AAAS: variants seen among roughly 807,000 people sequenced by gnomAD.
AAAS encodes aladin.
AAAS carries 60 observed loss-of-function variants against 75.6 expected under a neutral mutation model. The observed-to-expected ratio is 0.79, with a 90% CI of 0.64 to 0.98. The LOEUF (loss-of-function observed/expected upper bound fraction) is 0.98. Among genes scored for constraint, AAAS ranks in the 50% least tolerant of loss-of-function variants. AAAS has a pLI of 0.00. For missense variants in AAAS, 658 were observed against 686.9 expected (o/e 0.96, Z 0.47); for synonymous variants, 271 against 265.0 (o/e 1.02, Z -0.22).
intron 5 of AAAS, 91 bp downstream of exon 5, chr12:53,315,003 G>A: frequency 1.3e-6 from 2 of 1,521,374 alleles, no homozygotes; most frequent in Non-Finnish European, 1.8e-6. Flanking sequence ...TGAGCAATCA[G>A]AAAAGGAGTA....
intron 7 of AAAS, among the ~76,000 whole-genome samples, chr12:53,312,729 A>G (rs1483614469): frequency 6.6e-6 from 1 of 150,868 alleles, no homozygotes; most frequent in East Asian, 1.9e-4. Context: ...AATTAGGCTA[A>G]CCAAGAGGTT....
At chr12:53,320,733 C>A (rs374406641) in intron 1 of AAAS, 41 bp from the exon 2 acceptor site, 1 of 1,608,964 alleles carries the variant, frequency 6.2e-7, no homozygotes, top group African/African-American at 1.3e-5. Flanking sequence ...GATTCAGTCT[C>A]TTCCCAAATC....
At chr12:53,311,123 T>C (rs1001856538) in intron 7 of AAAS, among the ~76,000 whole-genome samples, 1 of 152,038 alleles carries the variant, frequency 6.6e-6, no homozygotes, top group Non-Finnish European at 1.5e-5. Flanking sequence ...TTTATTTTTA[T>C]TTTTTGTATA....
intron 7 of AAAS, among the ~76,000 whole-genome samples, chr12:53,310,202 C>T (rs547908568): frequency 1.3e-3 from 193 of 152,326 alleles, no homozygotes; most frequent in African/African-American, 4.4e-3. Context: ...CCCAAACAGC[C>T]CTCCTGCCTT....
chr12:53,316,926 T>C (rs553235367), intron 2 of AAAS, among the ~76,000 whole-genome samples: 47 of 146,840 alleles, frequency 3.2e-4, no homozygotes, highest in Non-Finnish European at 6.1e-4. Context: ...CAAAAAAAAA[T>C]ACAAAACTTA....
chr12:53,308,513 C>T lies in AAAS; in HGVS notation c.1103G>A (p.Cys368Tyr). 3 of 1,614,186 alleles carry T rather than the reference C, an allele frequency of 1.9e-6. No homozygotes were observed. Among genetic ancestry groups the T allele is most frequent in the Non-Finnish European group, 2.5e-6 (3 of 1,180,044 alleles). Residue 368 changes from cysteine to tyrosine, a missense_variant, in exon 12 of 16, where the codon TGC becomes TAC. Cys to Tyr is a radical substitution (Grantham distance 194). Transcript: ENST00000209873. Reference sequence around the variant, plus strand: ...CGTTGCTGACTTTGCACCTCCAACGCACCCCTTTCCCTCACCTGTGGACAA... The same window carrying T: ...CGTTGCTGACTTTGCACCTCCAACGTACCCCTTTCCCTCACCTGTGGACAA... ...FPERCGEGKG[C>Y]VGGAKSATIV...
At position 53,317,489 on chromosome 12, in the gene AAAS, G is replaced by A. The variant is rs143387238; in HGVS notation, c.252-1707C>T. On this transcript the variant is annotated intron_variant, in intron 2 of 15. Transcript: ENST00000209873. ...CGAGAATGGAGTGAACTCGGGAGGC[G>A]AAGCTTGCAGTGAGCCGAGATCGTG... Among the ~76,000 whole-genome samples the A allele has an allele frequency of 9.6e-3, 1,452 of 151,992 alleles. 20 individuals carry two copies. The highest frequency in any genetic ancestry group is 0.033 in the African/African-American group (1,376 of 41,438).
At chr12:53,318,316 G>A (rs1009576200) in intron 2 of AAAS, among the ~76,000 whole-genome samples, 14 of 151,816 alleles carry the variant, frequency 9.2e-5, no homozygotes, top group Admixed American at 1.3e-4. Flanking sequence ...GAGTGCAGTG[G>A]TGTGAACTCG....
At chr12:53,312,264 CTT>C (rs959515263) in intron 7 of AAAS, among the ~76,000 whole-genome samples, 2 of 150,784 alleles carry the variant, frequency 1.3e-5, no homozygotes, top group Non-Finnish European at 2.9e-5. Flanking sequence ...ACTTTGGTAA[CTT>C]ATATTTTGCT....
Position 53,317,220 on chromosome 12 carries a change from C to T in AAAS, c.252-1438G>A, listed in dbSNP as rs988733050. On this transcript the variant is annotated intron_variant, in intron 2 of 15. Transcript: ENST00000209873. ...CAGGTGGATCACGAGGTCAGGAGTT[C>T]GAGACCAGCCTGGTCAAGATGGTGA... 4.6e-5 allele frequency among the ~76,000 whole-genome samples: 7 copies of T among 152,118 alleles called. No homozygotes were observed. The South Asian group carries it at 8.3e-4, about 18-fold the overall frequency.
chr12:53,313,274 G>A (rs1382087531), intron 7 of AAAS, among the ~76,000 whole-genome samples: 1 of 137,270 alleles, frequency 7.3e-6, no homozygotes, highest in East Asian at 2.3e-4. Flanking sequence ...AGTGATTCTT[G>A]TGTCTCAGCC....
intron 7 of AAAS, among the ~76,000 whole-genome samples, chr12:53,310,078 A>AGGCCATCCAGCCT (rs907012126): frequency 6.6e-6 from 1 of 152,218 alleles, no homozygotes; most frequent in African/African-American, 2.4e-5. Context: ...CTCTGCCCAC[A>AGGCCATCCAGCCT]GGCCATCCAG....
chr12:53,313,093 T>G (rs1479935139), intron 7 of AAAS, among the ~76,000 whole-genome samples: 1 of 150,392 alleles, frequency 6.6e-6, no homozygotes, highest in Non-Finnish European at 1.5e-5. Flanking sequence ...CCTGACCTCA[T>G]GATCCACCCG....
In AAAS at chr12:53,309,619, G is replaced by T. The variant is rs148200139; in HGVS notation, c.792C>A (p.Pro264=). Residue 264 remains proline, a synonymous_variant, in exon 8 of 16, where the codon CCC becomes CCA. Transcript: ENST00000209873. ...PSGGRLLSAS[P]VDAAIRVWDV... ...CACTCACCCGGATAGCAGCATCCAC[G>T]GGTGAAGCTGAGAGCAGCCGCCCCC... 12 of 1,613,568 alleles carry T rather than the reference G, an allele frequency of 7.4e-6. No homozygotes were observed. Among genetic ancestry groups the T allele is most frequent in the Non-Finnish European group, 8.5e-7 (1 of 1,179,926 alleles).
chr12:53,307,961 C>A (rs1380025516), intron 14 of AAAS, 32 bp from the exon 15 acceptor site: 1 of 1,613,412 alleles, frequency 6.2e-7, no homozygotes, highest in African/African-American at 1.3e-5. Flanking sequence ...CAACCGGAGG[C>A]AAGAAGGGAG....
Position 53,309,230 on chromosome 12 carries a change from C to G in AAAS, c.862G>C (p.Gly288Arg). 6.2e-7 allele frequency: 1 copy of G among 1,614,146 alleles called. No homozygotes were observed. The highest frequency in any genetic ancestry group is 8.5e-7 in the Non-Finnish European group (1 of 1,180,036). The change falls in exon 9 of 16, where the codon GGT (glycine) becomes CGT (arginine). Residue 288 changes from glycine (G) to arginine (R), a missense_variant. By Grantham distance (125) the Gly-to-Arg change is moderately radical. Transcript: ENST00000209873. ...TCVPLPWFRG[G>R]GVTNLLWSPD... ...GACCAGAGCAGGTTGGTCACCCCAC[C>G]TCCTCGGAACCAGGGAAGGGGGACA...
rs533130785 is a variant in AAAS at position 53,319,911 on chromosome 12, G to A, written c.251+654C>T. The stretch of plus-strand genomic sequence containing the variant: ...CAAGGCGGGCACATCATCTGAGGTC[G>A]GAAGTTCAAGACCAGCCTGACCAAC... On this transcript the variant is annotated intron_variant, in intron 2 of 15. Coordinates refer to ENST00000209873, the MANE Select transcript of AAAS (RefSeq NM_015665.6). 5.3e-5 allele frequency among the ~76,000 whole-genome samples: 8 copies of A among 150,720 alleles called. No individual in the cohort carries two copies. In the East Asian group the frequency reaches 5.9e-4, roughly 11 times the overall value.
In AAAS at chr12:53,307,644, G is replaced by C. The variant is rs1412568395; in HGVS notation, c.1486C>G (p.Pro496Ala). ...FVNAQFPRFSPVLGRAQEPPA... is the reference protein window; with the variant it reads ...FVNAQFPRFSAVLGRAQEPPA... Reference sequence around the variant, plus strand: ...GGTTCCTGGGCCCGCCCAAGCACTGGGCTAAAACGTGGAAACTGGGCATTG... The same window carrying C: ...GGTTCCTGGGCCCGCCCAAGCACTGCGCTAAAACGTGGAAACTGGGCATTG... The change falls in exon 16 of 16, where the codon CCA becomes GCA. Residue 496 changes from proline to alanine, a missense_variant. By Grantham distance (27) the Pro-to-Ala change is conservative. Coordinates refer to ENST00000209873, the MANE Select transcript of AAAS (RefSeq NM_015665.6). The C allele has an allele frequency of 6.2e-7, 1 of 1,614,196 alleles. No individual in the cohort carries two copies. The highest frequency in any genetic ancestry group is 8.5e-7 in the Non-Finnish European group (1 of 1,180,050).
In AAAS at chr12:53,309,941, A is replaced by C. The variant is rs1237859295; in HGVS notation, c.690-220T>G. 31 of 655,862 alleles carry C rather than the reference A, an allele frequency of 4.7e-5. No homozygotes were observed. In the East Asian group the frequency reaches 8.1e-4, roughly 17 times the overall value. The allele number at this position is 655,862 out of a possible 1,614,324, so 40.6% of individuals were successfully genotyped here. A position where few individuals can be genotyped will look rare whatever the true frequency, so the allele number is the denominator to read the frequency against. On this transcript the variant is annotated intron_variant, in intron 7 of 15. Transcript: ENST00000209873. ...ACGAGCAGGTCAACAGAGAAGAGGTAATCTGCAAGGTCTCAGGCCAGGGTG... is the reference window on the plus strand; with the variant it reads ...ACGAGCAGGTCAACAGAGAAGAGGTCATCTGCAAGGTCTCAGGCCAGGGTG...
Sources: allele counts gnomAD v4.1 joint callset (sites outside exome capture counted in the v4.1 genomes callset), GRCh38; gene constraint gnomAD v4.1.1; transcripts MANE v1.5; gene names NCBI Gene and HGNC (gene_info 2026-07-23, HGNC 2026-07-21).